The following SLK variants were observed in gnomAD, a reference collection of about 807,000 sequenced individuals.
The protein encoded by SLK is STE20-like serine/threonine-protein kinase.
SLK carries 67 observed loss-of-function variants against 147.7 expected under a neutral mutation model. That is an observed-to-expected ratio of 0.45 (90% CI 0.37 to 0.56). The LOEUF (loss-of-function observed/expected upper bound fraction) is 0.56. SLK is among the 20% of genes least tolerant of loss of function. The pLI is 0.00. For missense variants in SLK, 1,136 were observed against 1,438.8 expected (o/e 0.79, Z 3.41); for synonymous variants, 441 against 475.0 (o/e 0.93, Z 0.93).
chr10:103,996,620 G>C (rs1844178748), intron 4 of SLK, among the ~76,000 whole-genome samples: 1 of 151,914 alleles, frequency 6.6e-6, no homozygotes, highest in Admixed American at 6.5e-5. Context: ...AGATGGTCTT[G>C]ATCTCCTGAC....
chr10:104,021,641 G>T lies in SLK; in HGVS notation c.3469G>T (p.Val1157Phe). Residue 1157 changes from valine to phenylalanine, a missense_variant, in exon 18 of 19, where the codon GTT (valine) becomes TTT (phenylalanine). Physicochemically the swap from Val to Phe is conservative, Grantham distance 50. Coordinates refer to ENST00000369755, the MANE Select transcript of SLK (RefSeq NM_014720.4). Reference sequence around the variant, plus strand: ...TCAGAATGAAAAATGCCACTTGTTGGTTGAGCATGAGACTCAGAAACTGAA... The same window carrying T: ...TCAGAATGAAAAATGCCACTTGTTGTTTGAGCATGAGACTCAGAAACTGAA... ...QLQNEKCHLLVEHETQKLKEL... is the reference protein window; with the variant it reads ...QLQNEKCHLLFEHETQKLKEL... 1 of 1,604,274 alleles carries T rather than the reference G, an allele frequency of 6.2e-7. No homozygotes were observed. Among genetic ancestry groups the T allele is most frequent in the Non-Finnish European group, 8.5e-7 (1 of 1,176,450 alleles).
rs775173651 is a variant in SLK, at chr10:103,993,051, C to G, written c.432C>G (p.Asn144Lys). The G allele has an allele frequency of 1.9e-6, 3 of 1,610,094 alleles. No homozygotes were observed. Among genetic ancestry groups the G allele is most frequent in the South Asian group, 1.1e-5 (1 of 90,806 alleles). ...VVCKQTLDAL[N>K]YLHDNKIIHR... The stretch of plus-strand genomic sequence containing the variant: ...GCAAGCAGACTTTAGATGCATTGAA[C>G]TACTTACATGATAATAAGATCATCC... The change falls in exon 4 of 19, where the codon AAC becomes AAG. Residue 144 changes from asparagine (N) to lysine (K), a missense_variant. By Grantham distance (94) the Asn-to-Lys change is moderately conservative. Transcript: ENST00000369755.
At chr10:104,016,041 G>A (rs983578157) in intron 13 of SLK, among the ~76,000 whole-genome samples, 1 of 152,130 alleles carries the variant, frequency 6.6e-6, no homozygotes. Flanking sequence ...AGTTGAGGCT[G>A]GGCGCGTTGG....
chr10:103,976,873 T>C (rs1257654771), intron 1 of SLK, among the ~76,000 whole-genome samples: 1 of 152,252 alleles, frequency 6.6e-6, no homozygotes, highest in South Asian at 2.1e-4. Context: ...TTAATATGTA[T>C]GGCTTTTTGC....
chr10:103,969,749 C>G (rs1171919172), intron 1 of SLK, among the ~76,000 whole-genome samples: 2 of 152,206 alleles, frequency 1.3e-5, no homozygotes, highest in Admixed American at 6.5e-5. Flanking sequence ...CTGTCACAAA[C>G]CAGCGTTGTA....
intron 1 of SLK, among the ~76,000 whole-genome samples, chr10:103,988,441 C>T (rs890974902): frequency 1.3e-5 from 2 of 149,754 alleles, no homozygotes; most frequent in African/African-American, 4.9e-5. Context: ...ATCCTACTGC[C>T]CAAGGTAATT....
At chr10:103,996,748 G>A (rs940973116) in intron 4 of SLK, among the ~76,000 whole-genome samples, 43 of 151,976 alleles carry the variant, frequency 2.8e-4, no homozygotes, top group Admixed American at 2.5e-3. Context: ...CCCCGCCCCC[G>A]ACAGGAAAGT....
chr10:103,969,171 G>C (rs1314917457), intron 1 of SLK, among the ~76,000 whole-genome samples: 1 of 152,116 alleles, frequency 6.6e-6, no homozygotes, highest in Non-Finnish European at 1.5e-5. Context: ...GTTTCTCCAT[G>C]TTGGTCAGGC....
In SLK at chr10:103,998,295, G is replaced by C. The variant is rs368475231; in HGVS notation, c.515-604G>C. On this transcript the variant is annotated intron_variant, in intron 4 of 18. Coordinates refer to ENST00000369755, the MANE Select transcript of SLK (RefSeq NM_014720.4). ...AAACTTAAAAATTCGTGCATTTATA[G>C]CATGAGGTGAATTATGCAGCAATAG... Among the ~76,000 whole-genome samples, 24 of 152,308 alleles carry C rather than the reference G, an allele frequency of 1.6e-4. No individual in the cohort carries two copies. The South Asian group carries it at 5.0e-3, about 32-fold the overall frequency.
intron 15 of SLK, among the ~76,000 whole-genome samples, chr10:104,019,296 CAG>C (rs780025605): frequency 5.9e-5 from 9 of 152,090 alleles, no homozygotes; most frequent in African/African-American, 7.2e-5. Flanking sequence ...TCTTTTGAGA[CAG>C]AGTCTCGCTC....
At position 104,003,488 on chromosome 10, in the gene SLK, T is replaced by A; in HGVS notation, c.2310T>A (p.Phe770Leu). The A allele has an allele frequency of 6.2e-7, 1 of 1,600,172 alleles. No homozygotes were observed. Among genetic ancestry groups the A allele is most frequent in the Non-Finnish European group, 8.5e-7 (1 of 1,174,146 alleles). Residue 770 changes from phenylalanine to leucine, a missense_variant, in exon 9 of 19, where the codon TTT becomes TTA. This residue lies in a region of SLK where 516 missense variants were observed against 531.3 expected (regional missense o/e 0.97). Coordinates refer to ENST00000369755, the MANE Select transcript of SLK (RefSeq NM_014720.4). The part of the protein sequence containing the change: ...SIDLNLSISS[F>L]LSKTKDSGSI... ...ACTTGAATTTATCCATCTCTAGCTT[T>A]CTAAGTAAAACTAAAGACAGTGGAT...
chr10:104,025,044 A>G (rs1844579729), intron 18 of SLK, among the ~76,000 whole-genome samples: 1 of 152,202 alleles, frequency 6.6e-6, no homozygotes, highest in South Asian at 2.1e-4. Context: ...GGTGCCTCTT[A>G]CATTTCTCAA....
At chr10:104,012,627 T>G (rs1341856392) in intron 13 of SLK, among the ~76,000 whole-genome samples, 1 of 152,172 alleles carries the variant, frequency 6.6e-6, no homozygotes, top group African/African-American at 2.4e-5. Context: ...ACCTGGGTAG[T>G]GGTAGAGCCA....
intron 4 of SLK, among the ~76,000 whole-genome samples, chr10:103,996,815 T>A (rs1844181639): frequency 6.6e-6 from 1 of 152,224 alleles, no homozygotes; most frequent in South Asian, 2.1e-4. Context: ...CTTGCTTCTT[T>A]AGAGACTTTT....
At chr10:103,967,985 A>T in intron 1 of SLK, 90 bp downstream of exon 1, 1 of 1,317,562 alleles carries the variant, frequency 7.6e-7, no homozygotes, top group Non-Finnish European at 1.1e-6. Context: ...CCTGGTCCTT[A>T]TCCTGTCCTT....
In SLK at chr10:103,989,434, C is replaced by T. The variant is rs560815601; in HGVS notation, c.151-1241C>T. On this transcript the variant is annotated intron_variant, in intron 1 of 18. Coordinates refer to ENST00000369755, the MANE Select transcript of SLK (RefSeq NM_014720.4). ...TTGCTGGTGTGTATGCAGACTCTTTCAGCCATTTTGGAAGACAGTGTGGCA... is the reference window on the plus strand; with the variant it reads ...TTGCTGGTGTGTATGCAGACTCTTTTAGCCATTTTGGAAGACAGTGTGGCA... Among the ~76,000 whole-genome samples the T allele has an allele frequency of 2.8e-4, 40 of 144,232 alleles. 1 individual carries two copies. In the South Asian group the frequency reaches 8.8e-3, roughly 32 times the overall value. 94.6% of individuals were successfully genotyped at this position (144,232 alleles called of 152,430 possible). A position where few individuals can be genotyped will look rare whatever the true frequency, so the allele number is the denominator to read the frequency against.
At chr10:104,013,439 G>A (rs1466327742) in intron 13 of SLK, among the ~76,000 whole-genome samples, 2 of 152,204 alleles carry the variant, frequency 1.3e-5, no homozygotes, top group African/African-American at 2.4e-5. Flanking sequence ...AAAAACAACA[G>A]CAACACACTA....
rs1034301989 is a variant in SLK at position 104,002,676 on chromosome 10, G to T, written c.1498G>T (p.Asp500Tyr). 1.9e-6 allele frequency: 3 copies of T among 1,610,620 alleles called. No homozygotes were observed. In the African/African-American group the frequency reaches 4.0e-5, roughly 22 times the overall value. Residue 500 changes from aspartate to tyrosine, a missense_variant, in exon 9 of 19, where the codon GAT becomes TAT. Physicochemically the swap from Asp to Tyr is radical, Grantham distance 160. Around this residue, in one of 6 missense-constraint regions of SLK, gnomAD observed 516 missense variants for 531.3 expected, o/e 0.97. Coordinates refer to ENST00000369755, the MANE Select transcript of SLK (RefSeq NM_014720.4). ...EIKDTILQTV[D>Y]LVSQETGEKE... ...TAAAGATACTATTTTGCAAACAGTA[G>T]ATTTAGTTTCTCAAGAGACTGGAGA...
chr10:104,003,359 T>A lies in SLK; in HGVS notation c.2181T>A (p.Gly727=). ...SDSGENKEEI[G]SLSKTETILP... ...GTGGAGAAAATAAAGAAGAAATAGG[T>A]TCTTTATCAAAAACTGAAACTATTC... The change falls in exon 9 of 19, where the codon GGT becomes GGA. Residue 727 remains glycine, a synonymous_variant. Transcript: ENST00000369755. 6.2e-7 allele frequency: 1 copy of A among 1,613,946 alleles called. No individual in the cohort carries two copies. Among genetic ancestry groups the A allele is most frequent in the Non-Finnish European group, 8.5e-7 (1 of 1,179,912 alleles).
Sources: gnomAD v4.1 joint callset for allele counts (sites outside exome capture counted in the v4.1 genomes callset) on GRCh38, gnomAD v4.1.1 for gene constraint, gnomAD v4.1.1 regional missense constraint, MANE v1.5 for transcripts, NCBI Gene and HGNC (gene_info 2026-07-23, HGNC 2026-07-21) for gene names.